ERCC3: variants seen among roughly 807,000 people sequenced by gnomAD.
ERCC3 encodes general transcription and DNA repair factor IIH helicase/translocase subunit XPB.
A neutral mutation model predicts 94.2 loss-of-function variants in ERCC3; 66 were observed. The observed-to-expected ratio is 0.70, with a 90% CI of 0.57 to 0.86. The LOEUF is 0.86. ERCC3 is among the 40% of genes least tolerant of loss of function. ERCC3 has a pLI of 0.00. For synonymous variants in ERCC3, 349 were observed against 369.1 expected (o/e 0.95, Z 0.63); for missense variants, 829 against 987.1 (o/e 0.84, Z 2.15).
At chr2:127,289,988 G>T in intron 4 of ERCC3, 164 bp from the exon 5 acceptor site, 1 of 910,950 alleles carries the variant, frequency 1.1e-6, no homozygotes, top group Non-Finnish European at 1.7e-6. Context: ...TAACATATGA[G>T]GGTTGTGACT....
In ERCC3 at chr2:127,258,852, A is replaced by G. The variant is rs574866456; in HGVS notation, c.2217+444T>C. 6.6e-6 allele frequency among the ~76,000 whole-genome samples: 1 copy of G among 152,352 alleles called. No homozygotes were observed. Among genetic ancestry groups the G allele is most frequent in the South Asian group, 2.1e-4 (1 of 4,828 alleles). On this transcript the variant is annotated intron_variant, in intron 14 of 14. Transcript: ENST00000285398. The surrounding 1 kb of genome is among the most constrained non-coding windows in gnomAD (Gnocchi z 4.1). ...GAAGCTACCACAAGAGTTGATCCTCAGAGCAGTCTTAGGGGCTAGAGGGCT... is the reference window on the plus strand; with the variant it reads ...GAAGCTACCACAAGAGTTGATCCTCGGAGCAGTCTTAGGGGCTAGAGGGCT...
chr2:127,261,276 G>T lies in ERCC3; in HGVS notation c.2016C>A (p.Tyr672Ter). ...CCAAGAATCTCTGCCGCTTGGTTGA[G>T]TAAGCCATTTCCTGTGTGTCCTGGG... is the stretch of plus-strand genomic sequence containing the variant. The part of the protein sequence containing the change: ...LVSQDTQEMA[Y>*]STKRQRFLVD... The change falls in exon 13 of 15, where the codon TAC (tyrosine) becomes TAA (stop). Residue 672 changes from tyrosine (Y) to a stop codon, truncating the protein, a stop_gained. Coordinates refer to ENST00000285398, the MANE Select transcript of ERCC3 (RefSeq NM_000122.2). LOFTEE classifies it high-confidence loss of function. 1 of 1,613,648 alleles carries T rather than the reference G, an allele frequency of 6.2e-7. No homozygotes were observed. Among genetic ancestry groups the T allele is most frequent in the Non-Finnish European group, 8.5e-7 (1 of 1,179,512 alleles).
At chr2:127,286,341 G>A (rs1237754751) in intron 8 of ERCC3, among the ~76,000 whole-genome samples, 2 of 152,128 alleles carry the variant, frequency 1.3e-5, no homozygotes, top group African/African-American at 4.8e-5. Context: ...ACGAGGTCAG[G>A]AGTTCAAGAC....
chr2:127,287,157 T>C lies in ERCC3; in HGVS notation c.1028-140A>G, dbSNP rs1254877270. ...TAGCTGACATCTGAGCGACACACAC[T>C]GCTCCAGCCTGTTTTCTTCTTTATA... is the stretch of plus-strand genomic sequence containing the variant. On this transcript the variant is annotated intron_variant, in intron 7 of 14. Transcript: ENST00000285398. The C allele has an allele frequency of 9.0e-6, 6 of 664,056 alleles. No individual in the cohort carries two copies. The East Asian group carries it at 1.4e-4, about 15-fold the overall frequency. 41.1% of individuals were successfully genotyped at this position (664,056 alleles called of 1,614,324 possible). A position where few individuals can be genotyped will look rare whatever the true frequency, so the allele number is the denominator to read the frequency against.
chr2:127,257,872 T>C lies in ERCC3; in HGVS notation c.2218-145A>G. The C allele has an allele frequency of 1.1e-6, 1 of 934,398 alleles. No individual in the cohort carries two copies. The highest frequency in any genetic ancestry group is 1.7e-6 in the Non-Finnish European group (1 of 603,884). 57.9% of individuals were successfully genotyped at this position (934,398 alleles called of 1,614,324 possible). A position where few individuals can be genotyped will look rare whatever the true frequency, so the allele number is the denominator to read the frequency against. On this transcript the variant is annotated intron_variant, in intron 14 of 14. Coordinates refer to ENST00000285398, the MANE Select transcript of ERCC3 (RefSeq NM_000122.2). This position sits in a 1 kb window ranked among gnomAD's most constrained non-coding sequence, Gnocchi z 5.4. ...TAATGTTTACAGATCGCTTACTGTC[T>C]CAGGCATTGTTCTAAGCATTTTACA...
rs1684042907 is a variant in ERCC3, at chr2:127,257,381, C to T, written c.*215G>A. 11 of 623,134 alleles carry T rather than the reference C, an allele frequency of 1.8e-5. No individual in the cohort carries two copies. The highest frequency in any genetic ancestry group is 1.3e-4 in the South Asian group (7 of 53,506). The allele number at this position is 623,134 out of a possible 1,614,324, so 38.6% of individuals were successfully genotyped here. Reference sequence around the variant, plus strand: ...TTTTATATACAGAAATGACCCCACTCCCCAAAAAGTTTGAAAAAATATTGT... The same window carrying T: ...TTTTATATACAGAAATGACCCCACTTCCCAAAAAGTTTGAAAAAATATTGT... On this transcript the variant is annotated 3_prime_UTR_variant, in exon 15 of 15. Transcript: ENST00000285398. The surrounding 1 kb of genome is among the most constrained non-coding windows in gnomAD (Gnocchi z 5.4).
rs537542119 is a variant in ERCC3, at chr2:127,259,886, A to T, written c.2065-438T>A. The T allele has an allele frequency of 3.8e-6, 1 of 265,058 alleles. No homozygotes were observed. The highest frequency in any genetic ancestry group is 9.4e-5 in the East Asian group (1 of 10,674). The allele number at this position is 265,058 out of a possible 1,614,324, so 16.4% of individuals were successfully genotyped here. A position where few individuals can be genotyped will look rare whatever the true frequency, so the allele number is the denominator to read the frequency against. On this transcript the variant is annotated intron_variant, in intron 13 of 14. Transcript: ENST00000285398. The surrounding 1 kb of genome is among the most constrained non-coding windows in gnomAD (Gnocchi z 4.9). ...CTCCGCAACTGGGGCTTCCAGCAGG[A>T]ATGAGCACGTGAAAATGAAAATGAT...
intron 8 of ERCC3, among the ~76,000 whole-genome samples, chr2:127,281,742 A>C (rs1003935582): frequency 3.3e-5 from 5 of 152,076 alleles, no homozygotes; most frequent in African/African-American, 9.7e-5. Flanking sequence ...TTTGCACACA[A>C]CACCACATGC....
chr2:127,289,636 C>T, intron 5 of ERCC3, 53 bp downstream of exon 5: 1 of 1,612,806 alleles, frequency 6.2e-7, no homozygotes, highest in Non-Finnish European at 8.5e-7. Flanking sequence ...CCTGAGAGAA[C>T]TGAAATCCTA....
At chr2:127,286,648 C>T (rs1411185855) in intron 8 of ERCC3, 55 bp downstream of exon 8, 9 of 1,563,362 alleles carry the variant, frequency 5.8e-6, no homozygotes, top group Admixed American at 1.7e-5. Context: ...AACCTAACAA[C>T]TGGAAATTGG....
At chr2:127,262,431 T>G (rs1334739400) in intron 12 of ERCC3, 1 of 152,296 alleles carries the variant, frequency 6.6e-6, no homozygotes, top group Non-Finnish European at 1.5e-5. Context: ...AGGCAGTGGT[T>G]GCAGTGAGCC....
At chr2:127,269,567 A>G (rs1307689303) in intron 12 of ERCC3, among the ~76,000 whole-genome samples, 4 of 150,650 alleles carry the variant, frequency 2.7e-5, no homozygotes, top group Non-Finnish European at 4.4e-5. Flanking sequence ...GACTACAGGC[A>G]CCCGCCACCA....
rs148600747 is a variant in ERCC3 at position 127,263,480 on chromosome 2, C to T, written c.1946-2134G>A. Among the ~76,000 whole-genome samples the T allele has an allele frequency of 4.8e-3, 737 of 152,144 alleles. 3 individuals are homozygous for T. Among genetic ancestry groups the T allele is most frequent in the Middle Eastern group, 0.01 (3 of 294 alleles). ...ATTTTTGTACATTGATTTTGAATTCCGAAACTTTACTCAAGTTGCCTATCA... is the reference window on the plus strand; with the variant it reads ...ATTTTTGTACATTGATTTTGAATTCTGAAACTTTACTCAAGTTGCCTATCA... On this transcript the variant is annotated intron_variant, in intron 12 of 14. Coordinates refer to ENST00000285398, the MANE Select transcript of ERCC3 (RefSeq NM_000122.2).
chr2:127,264,439 C>T lies in ERCC3; in HGVS notation c.1946-3093G>A, dbSNP rs1243294330. On this transcript the variant is annotated intron_variant, in intron 12 of 14. Transcript: ENST00000285398. This position sits in a 1 kb window ranked among gnomAD's most constrained non-coding sequence, Gnocchi z 4.4. ...CAAGATTGCACCATTGCACTCCAGCCTGGGCAACAAGAGCAAGACTCTGCC... is the reference window on the plus strand; with the variant it reads ...CAAGATTGCACCATTGCACTCCAGCTTGGGCAACAAGAGCAAGACTCTGCC... 6.6e-6 allele frequency among the ~76,000 whole-genome samples: 1 copy of T among 152,198 alleles called. No individual in the cohort carries two copies. The highest frequency in any genetic ancestry group is 2.4e-5 in the African/African-American group (1 of 41,444).
At chr2:127,290,296 A>C in intron 3 of ERCC3, 23 bp from the exon 4 acceptor site, 1 of 1,601,394 alleles carries the variant, frequency 6.2e-7, no homozygotes, top group Non-Finnish European at 8.6e-7. Context: ...ATAACATCCA[A>C]CAGGTAAATG....
intron 12 of ERCC3, among the ~76,000 whole-genome samples, chr2:127,265,871 G>A (rs1684341360): frequency 6.6e-6 from 1 of 151,926 alleles, no homozygotes; most frequent in South Asian, 2.1e-4. Flanking sequence ...GTTCCTTCAG[G>A]TGAAATCTCA....
Position 127,259,580 on chromosome 2 carries a change from G to A in ERCC3, c.2065-132C>T. 1 of 1,154,036 alleles carries A rather than the reference G, an allele frequency of 8.7e-7. No individual in the cohort carries two copies. The highest frequency in any genetic ancestry group is 1.3e-6 in the Non-Finnish European group (1 of 773,774). 71.5% of individuals were successfully genotyped at this position (1,154,036 alleles called of 1,614,324 possible). On this transcript the variant is annotated intron_variant, in intron 13 of 14. Coordinates refer to ENST00000285398, the MANE Select transcript of ERCC3 (RefSeq NM_000122.2). This position sits in a 1 kb window ranked among gnomAD's most constrained non-coding sequence, Gnocchi z 4.9. ...AGCCACCCTGGTGGCCAACAATGGA[G>A]AGCTCCTCCCTAGCATTCCAGAGAC...
intron 3 of ERCC3, chr2:127,292,338 T>C: frequency 3.7e-6 from 2 of 535,808 alleles, no homozygotes; most frequent in South Asian, 3.9e-5. Flanking sequence ...TCTGTGTTAA[T>C]ACCCACAGCT....
Position 127,281,961 on chromosome 2 carries a change from C to T in ERCC3, c.1343-1330G>A, listed in dbSNP as rs369390242. On this transcript the variant is annotated intron_variant, in intron 8 of 14. Transcript: ENST00000285398. ...CAGAGAGGCAACACTGGGGGACATA[C>T]TGACCCAAGACAAGGATAAGGCAGG... Among the ~76,000 whole-genome samples the T allele has an allele frequency of 9.8e-5, 15 of 152,324 alleles. No individual in the cohort carries two copies. In the South Asian group the frequency reaches 2.5e-3, roughly 25 times the overall value.
Sources: gnomAD v4.1 joint callset for allele counts (sites outside exome capture counted in the v4.1 genomes callset) on GRCh38, gnomAD v4.1.1 for gene constraint, Gnocchi (gnomAD v3.1) non-coding constraint, MANE v1.5 for transcripts, NCBI Gene and HGNC (gene_info 2026-07-23, HGNC 2026-07-21) for gene names.